CPLANE1: variants seen among roughly 807,000 people sequenced by gnomAD.
CPLANE1 encodes the protein ciliogenesis and planar polarity effector complex subunit 1, also known as ciliogenesis and planar polarity effector 1.
In CPLANE1, 263 loss-of-function variants were observed where a neutral mutation model predicts 362.5. The ratio of observed to expected loss-of-function variants is 0.73; its 90% CI spans 0.66 to 0.80. The LOEUF (loss-of-function observed/expected upper bound fraction) is 0.80, where lower values mean the gene tolerates loss of function less well. Among genes scored for constraint, CPLANE1 ranks in the 30% least tolerant of loss-of-function variants. The pLI, the probability that CPLANE1 is intolerant of heterozygous loss-of-function variation, is 0.00. For missense variants in CPLANE1, 3,461 were observed against 3,793.4 expected, an observed-to-expected ratio of 0.91 and a Z score of 2.30; for synonymous variants, 1,212 against 1,302.6, an observed-to-expected ratio of 0.93 and a Z score of 1.50.
chr5:37,101,397 T>A (rs1293810285), downstream of CPLANE1, among the ~76,000 whole-genome samples: 1 of 152,232 alleles, frequency 6.6e-6, no homozygotes, highest in African/African-American at 2.4e-5. Context: ...TGTGATGAAT[T>A]ACATTTATTG....
intron 16 of CPLANE1, chr5:37,211,058 G>C (rs1332006091): frequency 1.2e-6 from 1 of 846,260 alleles, no homozygotes; most frequent in Non-Finnish European, 2.1e-6. Context: ...AGCAGTCTGT[G>C]ATCCATCATT....
intron 26 of CPLANE1, 43 bp downstream of exon 26, chr5:37,182,717 T>G (rs766978688): frequency 1.7e-6 from 2 of 1,182,430 alleles, no homozygotes; most frequent in Non-Finnish European, 2.4e-6. Context: ...TAATCTAAAA[T>G]GAGAATTCTC....
At chr5:37,150,900 A>G (rs1330266991) in intron 42 of CPLANE1, among the ~76,000 whole-genome samples, 6 of 152,172 alleles carry the variant, frequency 3.9e-5, no homozygotes, top group Non-Finnish European at 8.8e-5. Flanking sequence ...AGTTTCCTAT[A>G]TGATTCTAAT....
intron 21 of CPLANE1, among the ~76,000 whole-genome samples, chr5:37,191,870 A>T (rs1785639672): frequency 1.3e-5 from 2 of 152,180 alleles, no homozygotes; most frequent in African/African-American, 4.8e-5. Context: ...ATAAAGTAAA[A>T]ACATTACAAT....
At chr5:37,095,970 T>C in the CPLANE1 span, among the ~76,000 whole-genome samples, 13 of 152,180 alleles carry the variant, frequency 8.5e-5, no homozygotes, top group East Asian at 1.9e-4. Context: ...CATGGATGGA[T>C]AGAATCAATA....
At chr5:37,126,871 C>G (rs1764274506) in intron 46 of CPLANE1, among the ~76,000 whole-genome samples, 1 of 152,128 alleles carries the variant, frequency 6.6e-6, no homozygotes, top group Non-Finnish European at 1.5e-5. Context: ...GGACTTGAGA[C>G]AGATGCATCA....
rs11299594 is a variant in CPLANE1, at chr5:37,246,152, CTT to C, written c.82-309_82-308del. On this transcript the variant is annotated intron_variant, in intron 2 of 52. Coordinates refer to ENST00000651892, the MANE Select transcript of CPLANE1 (RefSeq NM_001384732.1). ...AAAACTGGCTTATCTACTTTTTAAT[CTT>C]TTTTTTTTTTTTTTTTTAAGAGCTG... is the stretch of plus-strand genomic sequence containing the variant. The C allele has an allele frequency of 8.7e-3, 1,134 of 130,040 alleles. 1 individual carries two copies. The highest frequency in any genetic ancestry group is 9.7e-3 in the Non-Finnish European group (600 of 61,868). 8.1% of individuals were successfully genotyped at this position (130,040 alleles called of 1,614,324 possible).
intron 16 of CPLANE1, chr5:37,210,125 A>G (rs1792174258): frequency 5.4e-6 from 5 of 919,456 alleles, no homozygotes; most frequent in Non-Finnish European, 8.9e-6. Flanking sequence ...AAGCTTGTCA[A>G]GCAAAATCTG....
chr5:37,117,712 C>T (rs749500483), intron 50 of CPLANE1, among the ~76,000 whole-genome samples: 4 of 152,118 alleles, frequency 2.6e-5, no homozygotes, highest in East Asian at 3.9e-4. Context: ...AGGGTCTAGA[C>T]GTTTCTGTGT....
In CPLANE1 at chr5:37,209,832, T is replaced by C. The variant is rs1360185232; in HGVS notation, c.2921-3407A>G. ...AGAATATCATCAAGCTAAAGAAAGT[T>C]GTAATATGGAAACTCAGACAAGTTC... On this transcript the variant is annotated intron_variant, in intron 16 of 52. Coordinates refer to ENST00000651892, the MANE Select transcript of CPLANE1 (RefSeq NM_001384732.1). This position sits in a 1 kb window ranked among gnomAD's most constrained non-coding sequence, Gnocchi z 4.6. 7.4e-7 allele frequency: 1 copy of C among 1,351,220 alleles called. No homozygotes were observed. The highest frequency in any genetic ancestry group is 1.1e-6 in the Non-Finnish European group (1 of 942,794). The allele number at this position is 1,351,220 out of a possible 1,614,324, so 83.7% of individuals were successfully genotyped here. A position where few individuals can be genotyped will look rare whatever the true frequency, so the allele number is the denominator to read the frequency against.
Position 37,209,330 on chromosome 5 carries a change from G to C in CPLANE1, c.2921-2905C>G. On this transcript the variant is annotated intron_variant, in intron 16 of 52. Transcript: ENST00000651892. The surrounding 1 kb of genome is among the most constrained non-coding windows in gnomAD (Gnocchi z 4.6). ...CACTAAACTCGGGCCACGGCGGGGC[G>C]AGCGAGGCGGGCTCCGGAGGAAGCT... 1.2e-6 allele frequency: 1 copy of C among 866,914 alleles called. No individual in the cohort carries two copies. Among genetic ancestry groups the C allele is most frequent in the East Asian group, 2.4e-5 (1 of 40,872 alleles). The allele number at this position is 866,914 out of a possible 1,614,324, so 53.7% of individuals were successfully genotyped here.
Position 37,153,933 on chromosome 5 carries a change from T to C in CPLANE1, c.8180A>G (p.Asp2727Gly). The C allele has an allele frequency of 6.2e-7, 1 of 1,614,114 alleles. No individual in the cohort carries two copies. Among genetic ancestry groups the C allele is most frequent in the Non-Finnish European group, 8.5e-7 (1 of 1,179,992 alleles). Reference sequence around the variant, plus strand: ...TTGCAGCCGTTTCCACAATAGATAATCTTCTGCAGAGTCTGACTTTGTGCT... The same window carrying C: ...TTGCAGCCGTTTCCACAATAGATAACCTTCTGCAGAGTCTGACTTTGTGCT... ...GQSTKSDSAE[D>G]YLLWKRLQGV... The change falls in exon 42 of 53, where the codon GAT (aspartate) becomes GGT (glycine). Residue 2727 changes from aspartate (D) to glycine (G), a missense_variant. By Grantham distance (94) the Asp-to-Gly change is moderately conservative. Around this residue, in one of 2 missense-constraint regions of CPLANE1, gnomAD observed 3,380 missense variants for 3,666.1 expected, o/e 0.92. Transcript: ENST00000651892.
Position 37,233,879 on chromosome 5 carries a change from C to T in CPLANE1, c.939-2830G>A, listed in dbSNP as rs553188301. 1.1e-3 allele frequency among the ~76,000 whole-genome samples: 169 copies of T among 152,274 alleles called. 1 individual carries two copies. The highest frequency in any genetic ancestry group is 9.5e-3 in the South Asian group (46 of 4,826). Reference sequence around the variant, plus strand: ...GCCACTACTAGGGCCTGAAGACTGGCTCAGTTGTTGTCCAAGTCCCTAACA... The same window carrying T: ...GCCACTACTAGGGCCTGAAGACTGGTTCAGTTGTTGTCCAAGTCCCTAACA... On this transcript the variant is annotated intron_variant, in intron 8 of 52. Transcript: ENST00000651892.
At chr5:37,157,275 T>A (rs1775394284) in intron 41 of CPLANE1, 38 bp downstream of exon 41, 1 of 1,218,316 alleles carries the variant, frequency 8.2e-7, no homozygotes, top group African/African-American at 1.5e-5. Flanking sequence ...ACAACAGTAA[T>A]TCAGGAGAGG....
intron 32 of CPLANE1, 30 bp from the exon 33 acceptor site, chr5:37,170,361 C>T: frequency 6.3e-7 from 1 of 1,579,116 alleles, no homozygotes; most frequent in East Asian, 2.2e-5. Context: ...GAAGCGATAT[C>T]TTAAAATATA....
intron 16 of CPLANE1, among the ~76,000 whole-genome samples, chr5:37,208,634 G>A (rs1286925685): frequency 6.8e-6 from 1 of 148,010 alleles, no homozygotes; most frequent in East Asian, 2.0e-4. Context: ...CCGAGACTGC[G>A]CCACTGCACT....
Position 37,122,888 on chromosome 5 carries a change from T to A in CPLANE1, c.8959-400A>T, listed in dbSNP as rs998947593. Among the ~76,000 whole-genome samples the A allele has an allele frequency of 3.9e-5, 6 of 151,988 alleles. No homozygotes were observed. The East Asian group carries it at 5.8e-4, about 15-fold the overall frequency. ...AGAGCAAGGCTCCGTTTCAAAAAAA[T>A]AAATAAATAAATAAAAATAATAAAC... On this transcript the variant is annotated intron_variant, in intron 47 of 52. Coordinates refer to ENST00000651892, the MANE Select transcript of CPLANE1 (RefSeq NM_001384732.1).
At chr5:37,124,109 T>C (rs1022792102) in intron 47 of CPLANE1, among the ~76,000 whole-genome samples, 1 of 152,186 alleles carries the variant, frequency 6.6e-6, no homozygotes, top group African/African-American at 2.4e-5. Context: ...GGTAAGTAAA[T>C]TGCACACTTT....
At chr5:37,224,840 C>T (rs1219340147) in intron 12 of CPLANE1, 100 bp from the exon 13 acceptor site, 64 of 681,056 alleles carry the variant, frequency 9.4e-5, no homozygotes, top group South Asian at 6.2e-4. Flanking sequence ...TATTCTTCAT[C>T]GGTATAACAT....
Sources: allele counts gnomAD v4.1 joint callset (sites outside exome capture counted in the v4.1 genomes callset), GRCh38; gene constraint gnomAD v4.1.1; regional missense constraint gnomAD v4.1.1; non-coding constraint Gnocchi (gnomAD v3.1); transcripts MANE v1.5; gene names NCBI Gene and HGNC (gene_info 2026-07-23, HGNC 2026-07-21).